PSD3: variants seen among roughly 807,000 people sequenced by gnomAD.
The protein encoded by PSD3 is PH and SEC7 domain-containing protein 3.
Under a neutral mutation model 105.5 loss-of-function variants are expected in PSD3, and 49 were observed. That is an observed-to-expected ratio of 0.46 (90% CI 0.37 to 0.59). PSD3 has a LOEUF of 0.59. PSD3 is among the 20% of genes least tolerant of loss of function. The probability of loss-of-function intolerance (pLI) is 0.00; values close to 1 mark genes in which losing one functional copy is unlikely to be tolerated. For missense variants in PSD3, 1,561 were observed against 1,263.8 expected, an observed-to-expected ratio of 1.24 and a Z score of -3.57; for synonymous variants, 557 against 457.8, an observed-to-expected ratio of 1.22 and a Z score of -2.77.
intron 9 of PSD3, among the ~76,000 whole-genome samples, chr8:18,752,686 CAT>C (rs892619599): frequency 2.2e-5 from 2 of 91,234 alleles, no homozygotes; most frequent in East Asian, 3.0e-4. Flanking sequence ...AATATATAAT[CAT>C]ATATGATATA....
chr8:18,942,868 G>C (rs1822638361), intron 1 of PSD3, among the ~76,000 whole-genome samples: 1 of 152,088 alleles, frequency 6.6e-6, no homozygotes. Flanking sequence ...CAGATTAGAG[G>C]GCAAAAGGAA....
Position 18,557,546 on chromosome 8 carries a change from A to C in PSD3, c.2785-1194T>G, listed in dbSNP as rs1384862438. 7.8e-5 allele frequency: 12 copies of C among 154,212 alleles called. No individual in the cohort carries two copies. In the Admixed American group the frequency reaches 7.9e-4, roughly 10 times the overall value. 9.6% of individuals were successfully genotyped at this position (154,212 alleles called of 1,614,324 possible). A position where few individuals can be genotyped will look rare whatever the true frequency, so the allele number is the denominator to read the frequency against. On this transcript the variant is annotated intron_variant, in intron 14 of 15. Coordinates refer to ENST00000327040, the MANE Select transcript of PSD3 (RefSeq NM_015310.4). ...AGTCAAAAACCATCAAAACAGAAGA[A>C]AACAATGACAAGTAAAAAGCAGAGG...
In PSD3 at chr8:19,013,675, G is replaced by A. The variant is rs1480698214; in HGVS notation, c.-92C>T. The A allele has an allele frequency of 6.2e-6, 7 of 1,135,954 alleles. No individual in the cohort carries two copies. The East Asian group carries it at 1.5e-4, about 25-fold the overall frequency. The allele number at this position is 1,135,954 out of a possible 1,614,324, so 70.4% of individuals were successfully genotyped here. A position where few individuals can be genotyped will look rare whatever the true frequency, so the allele number is the denominator to read the frequency against. ...CGCGAGTGCCGGCGGCCAGCGCCGC[G>A]TGCTCTTTGTTGAGCTCCCGGGACT... On this transcript the variant is annotated 5_prime_UTR_variant, in exon 1 of 16. It adds an upstream start codon to the 5' untranslated region. Coordinates refer to ENST00000327040, the MANE Select transcript of PSD3 (RefSeq NM_015310.4).
At chr8:18,850,890 A>G in intron 4 of PSD3, among the ~76,000 whole-genome samples, 1 of 152,168 alleles carries the variant, frequency 6.6e-6, no homozygotes, top group African/African-American at 2.4e-5. Flanking sequence ...CCTTAAGAAC[A>G]TGCTGGGCAC....
At chr8:18,582,773 G>C (rs1296683048) in intron 12 of PSD3, among the ~76,000 whole-genome samples, 1 of 148,940 alleles carries the variant, frequency 6.7e-6, no homozygotes, top group African/African-American at 2.5e-5. Context: ...GTCTTTGATA[G>C]AACCTGTTTC....
chr8:18,937,580 C>A (rs547630550), intron 1 of PSD3, among the ~76,000 whole-genome samples: 1 of 152,308 alleles, frequency 6.6e-6, no homozygotes, highest in Admixed American at 6.5e-5. Context: ...GCACAACATT[C>A]AGACAGCAAT....
intron 4 of PSD3, among the ~76,000 whole-genome samples, chr8:18,836,096 T>C (rs955116092): frequency 6.6e-6 from 1 of 152,144 alleles, no homozygotes; most frequent in Non-Finnish European, 1.5e-5. Context: ...GCTGACCAAA[T>C]TGCTGACATG....
chr8:18,990,896 A>G (rs942579912), intron 1 of PSD3, among the ~76,000 whole-genome samples: 3 of 152,170 alleles, frequency 2.0e-5, no homozygotes, highest in African/African-American at 7.2e-5. Context: ...GTGCTTTCAA[A>G]TAACTGAGGA....
At chr8:18,536,791 T>C (rs1256319395) in intron 15 of PSD3, among the ~76,000 whole-genome samples, 9 of 152,084 alleles carry the variant, frequency 5.9e-5, no homozygotes, top group Admixed American at 1.3e-4. Flanking sequence ...AATCAATATA[T>C]AGAACTATCA....
intron 11 of PSD3, among the ~76,000 whole-genome samples, chr8:18,603,665 G>A (rs145206965): frequency 2.0e-5 from 3 of 152,286 alleles, no homozygotes; most frequent in East Asian, 1.9e-4. Flanking sequence ...AGTGTTGGAG[G>A]TGTAGCCTGG....
intron 1 of PSD3, among the ~76,000 whole-genome samples, chr8:18,978,228 C>G (rs1215349213): frequency 6.6e-6 from 1 of 152,238 alleles, no homozygotes; most frequent in Non-Finnish European, 1.5e-5. Flanking sequence ...CAACACTGCA[C>G]GTCCACACGC....
chr8:18,738,985 C>T (rs1247830228), intron 9 of PSD3, among the ~76,000 whole-genome samples: 1 of 152,050 alleles, frequency 6.6e-6, no homozygotes, highest in African/African-American at 2.4e-5. Context: ...TTAAGAAGAA[C>T]CTTCGGCTCT....
intron 7 of PSD3, 64 bp from the exon 8 acceptor site, chr8:18,799,417 A>T (rs759801608): frequency 8.0e-7 from 1 of 1,250,646 alleles, no homozygotes; most frequent in Non-Finnish European, 1.2e-6. Context: ...CCACCTTATT[A>T]TCACTAATAG....
At chr8:18,787,034 G>A (rs1272118948) in intron 8 of PSD3, among the ~76,000 whole-genome samples, 1 of 152,122 alleles carries the variant, frequency 6.6e-6, no homozygotes, top group Non-Finnish European at 1.5e-5. Context: ...TCATGTACCA[G>A]GCTGTCTCAA....
chr8:18,600,132 G>A (rs529808853), intron 12 of PSD3, among the ~76,000 whole-genome samples: 1 of 152,152 alleles, frequency 6.6e-6, no homozygotes, highest in Non-Finnish European at 1.5e-5. Context: ...TTCACAGCTG[G>A]TCAGGATGCA....
At chr8:19,066,655 G>A (rs190585903) in intron 1 of PSD3, among the ~76,000 whole-genome samples, 1 of 152,196 alleles carries the variant, frequency 6.6e-6, no homozygotes, top group East Asian at 1.9e-4. Flanking sequence ...CTAGTTGTGA[G>A]CCTTGGGGAT....
At chr8:19,052,720 G>A (rs1828575862) in intron 1 of PSD3, among the ~76,000 whole-genome samples, 1 of 152,088 alleles carries the variant, frequency 6.6e-6, no homozygotes, top group Admixed American at 6.5e-5. Flanking sequence ...CACAAAGGGG[G>A]AAGGAGTCTA....
chr8:18,596,127 A>G (rs1804077613), intron 12 of PSD3, among the ~76,000 whole-genome samples: 1 of 151,422 alleles, frequency 6.6e-6, no homozygotes, highest in Non-Finnish European at 1.5e-5. Context: ...AAATATGTGG[A>G]AATTAAGCAA....
intron 1 of PSD3, among the ~76,000 whole-genome samples, chr8:19,075,179 T>C (rs1221082000): frequency 6.7e-6 from 1 of 150,288 alleles, no homozygotes; most frequent in East Asian, 2.0e-4. Context: ...AACTCCGGAC[T>C]TCAAGTGATC....
Sources: allele counts gnomAD v4.1 joint callset (sites outside exome capture counted in the v4.1 genomes callset), GRCh38; gene constraint gnomAD v4.1.1; transcripts MANE v1.5; gene names NCBI Gene and HGNC (gene_info 2026-07-23, HGNC 2026-07-21).